SORCS2: variants seen among roughly 807,000 people sequenced by gnomAD.
SORCS2 encodes VPS10 domain-containing receptor SorCS2.
Under a neutral mutation model 141.6 loss-of-function variants are expected in SORCS2, and 100 were observed. The observed-to-expected ratio is 0.71, with a 90% CI of 0.60 to 0.83. The LOEUF is 0.83. SORCS2 is among the 40% of genes least tolerant of loss of function. The pLI, the probability that SORCS2 is intolerant of heterozygous loss-of-function variation, is 0.00. For synonymous variants in SORCS2, 789 were observed against 676.9 expected (o/e 1.17, Z -2.57); for missense variants, 1,646 against 1,560.2 (o/e 1.05, Z -0.93).
At chr4:7,470,354 G>A (rs1729897266) in intron 2 of SORCS2, among the ~76,000 whole-genome samples, 1 of 149,032 alleles carries the variant, frequency 6.7e-6, no homozygotes, top group Non-Finnish European at 1.5e-5. Flanking sequence ...CTCACTTATC[G>A]ATCCATCCAT....
intron 2 of SORCS2, among the ~76,000 whole-genome samples, chr4:7,402,568 T>C (rs1030074482): frequency 6.6e-6 from 1 of 152,224 alleles, no homozygotes; most frequent in Non-Finnish European, 1.5e-5. Context: ...CTAGGATTTC[T>C]ATCCTGAGAT....
chr4:7,591,621 T>C (rs2108775601), intron 3 of SORCS2, among the ~76,000 whole-genome samples: 1 of 152,320 alleles, frequency 6.6e-6, no homozygotes, highest in Middle Eastern at 3.4e-3. Flanking sequence ...CTCTGGCTCT[T>C]GGCAGTAGCT....
At chr4:7,715,996 A>G (rs1560107469) in intron 17 of SORCS2, among the ~76,000 whole-genome samples, 4 of 152,252 alleles carry the variant, frequency 2.6e-5, no homozygotes, top group African/African-American at 9.6e-5. Context: ...GCTGTGCATG[A>G]GGGGAAGGCA....
intron 3 of SORCS2, among the ~76,000 whole-genome samples, chr4:7,555,287 T>C (rs1016324276): frequency 6.6e-6 from 1 of 152,236 alleles, no homozygotes; most frequent in Non-Finnish European, 1.5e-5. Flanking sequence ...GCAATCGCTG[T>C]GAAATTGCCT....
intron 1 of SORCS2, among the ~76,000 whole-genome samples, chr4:7,354,845 T>C (rs1225319440): frequency 1.3e-5 from 2 of 152,218 alleles, no homozygotes; most frequent in South Asian, 2.1e-4. Flanking sequence ...CATAATTTCT[T>C]GGCCACCCCA....
At chr4:7,328,672 C>T (rs1339840117) in intron 1 of SORCS2, among the ~76,000 whole-genome samples, 5 of 152,134 alleles carry the variant, frequency 3.3e-5, no homozygotes, top group Admixed American at 1.3e-4. Flanking sequence ...CCTGGCCTCA[C>T]GGACTTGGGT....
intron 4 of SORCS2, 51 bp downstream of exon 4, chr4:7,638,543 G>C: frequency 1.9e-6 from 3 of 1,555,144 alleles, no homozygotes; most frequent in East Asian, 2.4e-5. Flanking sequence ...GGGTCTGCTC[G>C]ACCCACCTGG....
At chr4:7,737,447 C>T (rs1712283389) in intron 26 of SORCS2, among the ~76,000 whole-genome samples, 1 of 152,152 alleles carries the variant, frequency 6.6e-6, no homozygotes, top group African/African-American at 2.4e-5. Flanking sequence ...CCCCCGACAG[C>T]CCCATCAAGG....
chr4:7,715,148 G>A (rs1195829176), intron 16 of SORCS2, 35 bp from the exon 17 acceptor site: 1 of 1,608,772 alleles, frequency 6.2e-7, no homozygotes, highest in African/African-American at 1.3e-5. Context: ...TCCCACCTGT[G>A]CCCGTCACTT....
Position 7,321,979 on chromosome 4 carries a change from T to C in SORCS2, c.481-74309T>C, listed in dbSNP as rs532799819. Among the ~76,000 whole-genome samples the C allele has an allele frequency of 2.6e-5, 4 of 152,308 alleles. No homozygotes were observed. In the East Asian group the frequency reaches 7.7e-4, roughly 29 times the overall value. On this transcript the variant is annotated intron_variant, in intron 1 of 26. Coordinates refer to ENST00000507866, the MANE Select transcript of SORCS2 (RefSeq NM_020777.3). ...AGCCCGGGTGGCTGTATTGACCGTG[T>C]TCCTTCCATAGCAGCTGGGGCTGGT...
intron 4 of SORCS2, among the ~76,000 whole-genome samples, chr4:7,643,886 G>A (rs565645741): frequency 1.1e-4 from 17 of 152,248 alleles, no homozygotes; most frequent in African/African-American, 4.1e-4. Context: ...TTGATGGCTC[G>A]CTCTGACCTC....
intron 2 of SORCS2, among the ~76,000 whole-genome samples, chr4:7,482,997 G>A (rs116118256): frequency 0.012 from 1,892 of 152,280 alleles, 20 homozygotes; most frequent in Non-Finnish European, 0.017. Context: ...AGCAGGGTGG[G>A]CCCTAAATCC....
At chr4:7,406,191 CG>C (rs888498705) in intron 2 of SORCS2, among the ~76,000 whole-genome samples, 11 of 125,064 alleles carry the variant, frequency 8.8e-5, no homozygotes, top group East Asian at 7.9e-4. Flanking sequence ...ATTGACCTGT[CG>C]TTTTTTTTTG....
intron 2 of SORCS2, among the ~76,000 whole-genome samples, chr4:7,411,207 G>T (rs1180643806): frequency 1.3e-5 from 2 of 151,752 alleles, no homozygotes; most frequent in Non-Finnish European, 2.9e-5. Flanking sequence ...ACCCACCTTG[G>T]CCTCCCAAAG....
intron 2 of SORCS2, among the ~76,000 whole-genome samples, chr4:7,443,071 G>A (rs918357342): frequency 1.3e-5 from 2 of 152,214 alleles, no homozygotes; most frequent in Non-Finnish European, 2.9e-5. Context: ...GAGAATACCA[G>A]TCATTGGATT....
intron 1 of SORCS2, among the ~76,000 whole-genome samples, chr4:7,210,214 A>T (rs757551321): frequency 6.6e-6 from 1 of 152,092 alleles, no homozygotes; most frequent in African/African-American, 2.4e-5. Context: ...GCCCCCGGTC[A>T]TCTTTGGCGC....
intron 1 of SORCS2, among the ~76,000 whole-genome samples, chr4:7,370,692 C>T (rs1331774075): frequency 6.6e-6 from 1 of 152,204 alleles, no homozygotes; most frequent in Non-Finnish European, 1.5e-5. Context: ...GCTGGTGTCC[C>T]CACGAGGCTC....
chr4:7,363,256 T>C lies in SORCS2; in HGVS notation c.481-33032T>C, dbSNP rs1279568545. Among the ~76,000 whole-genome samples the C allele has an allele frequency of 3.3e-5, 5 of 151,366 alleles. No homozygotes were observed. The East Asian group carries it at 9.8e-4, about 30-fold the overall frequency. ...ATCACCACCATCACCATCATCACCA[T>C]CATTACTACCATTACCATGATCATT... On this transcript the variant is annotated intron_variant, in intron 1 of 26. Transcript: ENST00000507866.
At chr4:7,411,293 G>A (rs1392736875) in intron 2 of SORCS2, among the ~76,000 whole-genome samples, 1 of 151,616 alleles carries the variant, frequency 6.6e-6, no homozygotes, top group Non-Finnish European at 1.5e-5. Flanking sequence ...CCCTCCCTTG[G>A]GTCCGGGCTC....
Sources: gnomAD v4.1 joint callset for allele counts (sites outside exome capture counted in the v4.1 genomes callset) on GRCh38, gnomAD v4.1.1 for gene constraint, MANE v1.5 for transcripts, NCBI Gene and HGNC (gene_info 2026-07-23, HGNC 2026-07-21) for gene names.